The following CYP51A1 variants were observed in gnomAD, a reference collection of about 807,000 sequenced individuals.
CYP51A1 encodes the protein cytochrome P450 family 51 subfamily A member 1, also known as lanosterol 14-alpha demethylase.
In CYP51A1, 45 loss-of-function variants were observed where a neutral mutation model predicts 53.5. That is an observed-to-expected ratio of 0.84 (90% CI 0.66 to 1.08). The LOEUF (loss-of-function observed/expected upper bound fraction) is 1.08, where lower values mean the gene tolerates loss of function less well. Ranked by LOEUF, CYP51A1 falls within the 50% of genes least tolerant of loss-of-function variation. The pLI is 0.00. For synonymous variants in CYP51A1, 181 were observed against 217.7 expected (o/e 0.83, Z 1.48); for missense variants, 462 against 621.7 (o/e 0.74, Z 2.73).
intron 3 of CYP51A1, among the ~76,000 whole-genome samples, chr7:92,128,617 G>A (rs1584637495): frequency 2.0e-5 from 3 of 151,928 alleles, no homozygotes; most frequent in Admixed American, 1.3e-4. Flanking sequence ...CCAAGTAGCT[G>A]GAATTTACAG....
intron 9 of CYP51A1, among the ~76,000 whole-genome samples, 182 bp from the exon 10 acceptor site, chr7:92,114,025 C>T (rs189983833): frequency 6.6e-6 from 1 of 152,258 alleles, no homozygotes; most frequent in Admixed American, 6.5e-5. Context: ...TTCAATACCA[C>T]ATTTTAGGAA....
chr7:92,134,560 C>T, upstream of CYP51A1: 1 of 592,922 alleles, frequency 1.7e-6, no homozygotes. Context: ...GGCCACGCCC[C>T]TTAAATAACA....
chr7:92,134,142 G>GC, intron 1 of CYP51A1, 31 bp downstream of exon 1: 1 of 1,603,656 alleles, frequency 6.2e-7, no homozygotes, highest in Non-Finnish European at 8.5e-7. Context: ...TGCGGCGCGC[G>GC]CCCCACTCAG....
At position 92,126,253 on chromosome 7, in the gene CYP51A1, C is replaced by T; in HGVS notation, c.770G>A (p.Arg257Lys). Residue 257 changes from arginine to lysine, a missense_variant and splice_region_variant, in exon 5 of 10, where the codon AGA (arginine) becomes AAA (lysine). Coordinates refer to ENST00000003100, the MANE Select transcript of CYP51A1 (RefSeq NM_000786.4). ...AGTGTAATATATTCTTTATCCATAC[C>T]TGAAACTAGGCAAAGGCAGCCAACC... is the stretch of plus-strand genomic sequence containing the variant. Reference protein sequence around the residue: ...LPGWLPLPSFRRRDRAHREIK... With the variant: ...LPGWLPLPSFKRRDRAHREIK... 6.3e-7 allele frequency: 1 copy of T among 1,596,468 alleles called. No individual in the cohort carries two copies. The highest frequency in any genetic ancestry group is 8.5e-7 in the Non-Finnish European group (1 of 1,174,392).
Position 92,123,282 on chromosome 7 carries a change from T to G in CYP51A1, c.924A>C (p.Ala308=). Residue 308 remains alanine, a synonymous_variant, in exon 7 of 10, where the codon GCA becomes GCC. Coordinates refer to ENST00000003100, the MANE Select transcript of CYP51A1 (RefSeq NM_000786.4). ...DGRPLTDDEV[A]GMLIGLLLAG... ...CCAAGAGTAATCCAATAAGCATCCC[T>G]GCTACTTCATCATCAGTCAAAGGAC... 1 of 1,613,982 alleles carries G rather than the reference T, an allele frequency of 6.2e-7. No homozygotes were observed. The highest frequency in any genetic ancestry group is 8.5e-7 in the Non-Finnish European group (1 of 1,179,908).
intron 1 of CYP51A1, 56 bp downstream of exon 1, chr7:92,134,117 T>A: frequency 6.4e-7 from 1 of 1,566,174 alleles, no homozygotes; most frequent in Non-Finnish European, 8.7e-7. Context: ...ACGCCAGCCC[T>A]TCGGCCGCCT....
chr7:92,126,126 T>G, intron 5 of CYP51A1, 127 bp downstream of exon 5: 2 of 595,296 alleles, frequency 3.4e-6, no homozygotes, highest in East Asian at 6.2e-5. Context: ...AGAAAGGGGA[T>G]TCATAATCTT....
intron 5 of CYP51A1, 57 bp downstream of exon 5, chr7:92,126,196 C>A: frequency 8.0e-7 from 1 of 1,255,310 alleles, no homozygotes; most frequent in Non-Finnish European, 1.1e-6. Context: ...AGCATACCAA[C>A]ACTACAATAA....
Position 92,134,298 on chromosome 7 carries a change from C to T in CYP51A1, c.67G>A (p.Ala23Thr), listed in dbSNP as rs1434418422. 3 of 1,610,808 alleles carry T rather than the reference C, an allele frequency of 1.9e-6. No individual in the cohort carries two copies. The South Asian group carries it at 3.3e-5, about 18-fold the overall frequency. ...LQAGGSVLGQ[A>T]MEKVTGGNLL... ...TTGCCGCCTGTCACCTTCTCCATCG[C>T]CTGGCCCAGCACCGACCCACCCGCC... is the stretch of plus-strand genomic sequence containing the variant. The change falls in exon 1 of 10, where the codon GCG becomes ACG. Residue 23 changes from alanine to threonine, a missense_variant. Coordinates refer to ENST00000003100, the MANE Select transcript of CYP51A1 (RefSeq NM_000786.4).
intron 5 of CYP51A1, among the ~76,000 whole-genome samples, chr7:92,124,292 T>C (rs2130949992): frequency 6.6e-6 from 1 of 152,340 alleles, no homozygotes; most frequent in African/African-American, 2.4e-5. Context: ...CTTTTCACTT[T>C]CTAATACAAT....
Position 92,133,772 on chromosome 7 carries a change from A to C in CYP51A1, c.192+401T>G, listed in dbSNP as rs191374630. On this transcript the variant is annotated intron_variant, in intron 1 of 9. Coordinates refer to ENST00000003100, the MANE Select transcript of CYP51A1 (RefSeq NM_000786.4). The stretch of plus-strand genomic sequence containing the variant: ...AGCATCTCCGTCAGGACCCCCACCA[A>C]GGGCCCCAACGACCACCGGGTCGTT... Among the ~76,000 whole-genome samples the C allele has an allele frequency of 4.6e-5, 7 of 152,168 alleles. No individual in the cohort carries two copies. In the East Asian group the frequency reaches 1.2e-3, roughly 25 times the overall value.
At position 92,123,723 on chromosome 7, in the gene CYP51A1, A is replaced by G; in HGVS notation, c.890+11T>C. 1 of 1,596,498 alleles carries G rather than the reference A, an allele frequency of 6.3e-7. No individual in the cohort carries two copies. Among genetic ancestry groups the G allele is most frequent in the South Asian group, 1.1e-5 (1 of 87,850 alleles). ...TGCTTCAGCTTAATATGTTATCTGA[A>G]TAGCTCTTACTTGTATGTAGCATCT... On this transcript the variant is annotated intron_variant, in intron 6 of 9. Transcript: ENST00000003100.
chr7:92,129,134 A>G, intron 2 of CYP51A1, 78 bp from the exon 3 acceptor site: 1 of 828,558 alleles, frequency 1.2e-6, no homozygotes, highest in Non-Finnish European at 1.8e-6. Flanking sequence ...AAATCACAAA[A>G]TAATGCATTA....
At chr7:92,123,441 CAA>C (rs1016887164) in intron 6 of CYP51A1, 126 bp from the exon 7 acceptor site, 1 of 886,856 alleles carries the variant, frequency 1.1e-6, no homozygotes, top group Non-Finnish European at 1.7e-6. Context: ...TTGACTATCA[CAA>C]GTCAAGAGTT....
intron 4 of CYP51A1, among the ~76,000 whole-genome samples, chr7:92,126,859 G>A (rs1819811689): frequency 6.6e-6 from 1 of 152,216 alleles, no homozygotes; most frequent in African/African-American, 2.4e-5. Context: ...CTGGCGATAT[G>A]TAAAAGAAAA....
upstream of CYP51A1, chr7:92,134,558 C>T (rs1233685436): frequency 6.7e-6 from 4 of 596,866 alleles, no homozygotes; most frequent in East Asian, 3.0e-5. Flanking sequence ...CTGGCCACGC[C>T]CCTTAAATAA....
chr7:92,118,765 T>C, intron 7 of CYP51A1, 150 bp from the exon 8 acceptor site: 1 of 579,530 alleles, frequency 1.7e-6, no homozygotes, highest in Non-Finnish European at 3.1e-6. Flanking sequence ...GTTATCATGC[T>C]CTACCACTGT....
chr7:92,124,501 C>G (rs1819754232), intron 5 of CYP51A1, among the ~76,000 whole-genome samples: 1 of 152,114 alleles, frequency 6.6e-6, no homozygotes, highest in Non-Finnish European at 1.5e-5. Flanking sequence ...ACACAGAAAG[C>G]AAACATTGGA....
chr7:92,127,737 T>C (rs1584636832), intron 3 of CYP51A1, 106 bp from the exon 4 acceptor site: 3 of 1,132,780 alleles, frequency 2.6e-6, no homozygotes, highest in Non-Finnish European at 3.9e-6. Flanking sequence ...CAAGTAATGG[T>C]TTTAACCCTT....
Sources: allele counts gnomAD v4.1 joint callset (sites outside exome capture counted in the v4.1 genomes callset), GRCh38; gene constraint gnomAD v4.1.1; transcripts MANE v1.5; gene names NCBI Gene and HGNC (gene_info 2026-07-23, HGNC 2026-07-21).